ANO5: variants seen among roughly 807,000 people sequenced by gnomAD.
The protein encoded by ANO5 is anoctamin-5.
In ANO5, 109 loss-of-function variants were observed where a neutral mutation model predicts 121.0. The observed-to-expected ratio is 0.90, with a 90% CI of 0.77 to 1.06. The LOEUF is 1.06. Ranked by LOEUF, ANO5 falls within the 50% of genes least tolerant of loss-of-function variation. The pLI is 0.00. For synonymous variants in ANO5, 406 were observed against 359.9 expected (o/e 1.13, Z -1.45); for missense variants, 1,064 against 1,078.5 (o/e 0.99, Z 0.19).
chr11:22,244,468 T>C (rs940561426), intron 9 of ANO5, among the ~76,000 whole-genome samples: 2 of 152,144 alleles, frequency 1.3e-5, no homozygotes, highest in Non-Finnish European at 2.9e-5. Flanking sequence ...TTTTATAGAC[T>C]ATATCCTCAA....
At position 22,237,429 on chromosome 11, in the gene ANO5, C is replaced by T. The variant is rs1236041591; in HGVS notation, c.762+1153C>T. Among the ~76,000 whole-genome samples, 16 of 152,002 alleles carry T rather than the reference C, an allele frequency of 1.1e-4. 1 individual carries two copies. The highest frequency in any genetic ancestry group is 3.4e-4 in the African/African-American group (14 of 41,388). ...TTTTTGAGACGGCGTCTTGCTGTGT[C>T]CCCCAGGCTGGAGTGCAGTGGTGCA... On this transcript the variant is annotated intron_variant, in intron 8 of 21. Transcript: ENST00000324559.
chr11:22,215,766 T>G (rs1852421827), intron 3 of ANO5, among the ~76,000 whole-genome samples: 1 of 151,974 alleles, frequency 6.6e-6, no homozygotes, highest in African/African-American at 2.4e-5. Flanking sequence ...TTTAACAAAC[T>G]ATAATTTATG....
rs762501650 is a variant in ANO5, at chr11:22,235,482, G to A, written c.649-681G>A. Among the ~76,000 whole-genome samples, 58 of 151,968 alleles carry A rather than the reference G, an allele frequency of 3.8e-4. 1 individual carries two copies. The highest frequency in any genetic ancestry group is 2.1e-4 in the South Asian group (1 of 4,818). On this transcript the variant is annotated intron_variant, in intron 7 of 21. Transcript: ENST00000324559. ...TCAAAAAGTCCTTGAATGGTGAAATGTAAAAGAAAGGAAAGGTAGGGGACT... is the reference window on the plus strand; with the variant it reads ...TCAAAAAGTCCTTGAATGGTGAAATATAAAAGAAAGGAAAGGTAGGGGACT...
chr11:22,244,193 G>A (rs912515622), intron 9 of ANO5, among the ~76,000 whole-genome samples: 1 of 152,020 alleles, frequency 6.6e-6, no homozygotes, highest in Non-Finnish European at 1.5e-5. Context: ...GAAATTCTTG[G>A]TTAGAATTTC....
intron 18 of ANO5, among the ~76,000 whole-genome samples, chr11:22,271,726 T>G (rs1293567570): frequency 2.0e-5 from 3 of 152,240 alleles, no homozygotes; most frequent in Non-Finnish European, 2.9e-5. Flanking sequence ...AGAGTATTCA[T>G]TATTCTACAC....
chr11:22,267,508 T>TTA (rs567878499), intron 17 of ANO5, among the ~76,000 whole-genome samples: 54 of 126,068 alleles, frequency 4.3e-4, no homozygotes, highest in African/African-American at 1.3e-3. Context: ...ATATCTACAA[T>TTA]TATATATATA....
At chr11:22,229,995 T>C (rs1328222905) in intron 7 of ANO5, among the ~76,000 whole-genome samples, 3 of 152,002 alleles carry the variant, frequency 2.0e-5, no homozygotes. Flanking sequence ...ACAACAATCA[T>C]GGCATCTGAG....
Position 22,255,510 on chromosome 11 carries a change from T to A in ANO5, c.1320T>A (p.Asn440Lys), listed in dbSNP as rs1163578947. The change falls in exon 13 of 22, where the codon AAT (asparagine) becomes AAA (lysine). Residue 440 changes from asparagine to lysine, a missense_variant. Coordinates refer to ENST00000324559, the MANE Select transcript of ANO5 (RefSeq NM_213599.3). ...FEAMCKHRKL[N>K]AVTKEMEPYM... ...CTATGTGTAAACACAGGAAATTGAA[T>A]GCAGTGACTAAGGTAGACTAGAAAA... 1 of 1,613,172 alleles carries A rather than the reference T, an allele frequency of 6.2e-7. No individual in the cohort carries two copies. The highest frequency in any genetic ancestry group is 8.5e-7 in the Non-Finnish European group (1 of 1,179,334).
intron 14 of ANO5, among the ~76,000 whole-genome samples, 179 bp downstream of exon 14, chr11:22,257,933 T>C (rs1554930783): frequency 6.6e-6 from 1 of 152,166 alleles, no homozygotes; most frequent in Non-Finnish European, 1.5e-5. Flanking sequence ...TTTCCATACT[T>C]AAACTTTGGG....
rs1183473424 is a variant in ANO5 at position 22,281,558 on chromosome 11, A to G, written c.*1793A>G. 7 of 152,090 alleles carry G rather than the reference A, an allele frequency of 4.6e-5. No individual in the cohort carries two copies. The allele number at this position is 152,090 out of a possible 1,614,324, so 9.4% of individuals were successfully genotyped here. The stretch of plus-strand genomic sequence containing the variant: ...CAGGCTTACCATGATGTGTGCAACC[A>G]ATGTAGGATCTTTGGCTTGTCAAAT... On this transcript the variant is annotated 3_prime_UTR_variant, in exon 22 of 22. Transcript: ENST00000324559.
At chr11:22,271,943 G>A (rs537354645) in intron 18 of ANO5, among the ~76,000 whole-genome samples, 79 of 151,956 alleles carry the variant, frequency 5.2e-4, no homozygotes, top group Non-Finnish European at 8.7e-4. Context: ...TTGATAAGAC[G>A]GATTCAGTCA....
In ANO5 at chr11:22,276,112, T is replaced by A. The variant is rs1004072211; in HGVS notation, c.2433T>A (p.Tyr811Ter). The change falls in exon 21 of 22, where the codon TAT (tyrosine) becomes TAA (stop). Residue 811 changes from tyrosine to a stop codon, truncating the protein, a stop_gained. Coordinates refer to ENST00000324559, the MANE Select transcript of ANO5 (RefSeq NM_213599.3). LOFTEE classifies it high-confidence loss of function. Reference sequence around the variant, plus strand: ...TTTTCAGGTACAGAGATTACAGATATCCTCCTGATGACGAGAATAAATATT... The same window carrying A: ...TTTTCAGGTACAGAGATTACAGATAACCTCCTGATGACGAGAATAAATATT... ...FITCRYRDYR[Y>*]PPDDENKYFH... 14 of 1,608,820 alleles carry A rather than the reference T, an allele frequency of 8.7e-6. No individual in the cohort carries two copies. Among genetic ancestry groups the A allele is most frequent in the Admixed American group, 1.7e-5 (1 of 59,798 alleles).
rs753343044 is a variant in ANO5 at position 22,250,239 on chromosome 11, AT to A, written c.883del (p.Tyr295IlefsTer25). The stretch of plus-strand genomic sequence containing the variant: ...TCTGTTTTTACTCTTTTTCACAGGA[AT>A]TATTATGGAGAAAAAATTGGTATCT... ...YKEQPLDLIKNYYGEKIGIYF... is the reference protein window; with the variant it reads ...YKEQPLDLIKXYYGEKIGIYF... On this transcript the variant is annotated frameshift_variant, in exon 10 of 22. Transcript: ENST00000324559. LOFTEE classifies it high-confidence loss of function. The A allele has an allele frequency of 6.3e-7, 1 of 1,578,854 alleles. No individual in the cohort carries two copies.
intron 21 of ANO5, among the ~76,000 whole-genome samples, chr11:22,276,462 AGG>A (rs1278946563): frequency 2.0e-5 from 3 of 151,816 alleles, no homozygotes; most frequent in Non-Finnish European, 4.4e-5. Flanking sequence ...AGTCAGGAAA[AGG>A]GGAAATAACC....
Position 22,201,642 on chromosome 11 carries a change from G to A in ANO5, c.41-2162G>A, listed in dbSNP as rs191878219. Among the ~76,000 whole-genome samples, 254 of 152,278 alleles carry A rather than the reference G, an allele frequency of 1.7e-3. 1 individual carries two copies. The highest frequency in any genetic ancestry group is 5.5e-3 in the African/African-American group (230 of 41,566). ...TGGGAAGTCCAAGGTTGGGGACCAC[G>A]TCTGGTGAGCCCCTTCTTGCTGTGT... is the stretch of plus-strand genomic sequence containing the variant. On this transcript the variant is annotated intron_variant, in intron 1 of 21. Transcript: ENST00000324559.
chr11:22,249,202 T>A (rs960144039), intron 9 of ANO5, among the ~76,000 whole-genome samples: 8 of 152,018 alleles, frequency 5.3e-5, no homozygotes, highest in Middle Eastern at 3.2e-3. Flanking sequence ...ATTAAGAGTG[T>A]TGAAATATGA....
chr11:22,226,744 T>G (rs1852847202), intron 6 of ANO5, among the ~76,000 whole-genome samples: 1 of 152,068 alleles, frequency 6.6e-6, no homozygotes, highest in Non-Finnish European at 1.5e-5. Flanking sequence ...AGCATTACTC[T>G]CTAGTTCTCC....
intron 7 of ANO5, among the ~76,000 whole-genome samples, chr11:22,228,271 C>T (rs995955784): frequency 2.0e-5 from 3 of 151,382 alleles, no homozygotes; most frequent in Admixed American, 6.6e-5. Context: ...GTTCAACAAG[C>T]GTTAAGATGT....
chr11:22,248,755 TTAAAAC>T (rs1323405517), intron 9 of ANO5, among the ~76,000 whole-genome samples: 17 of 151,966 alleles, frequency 1.1e-4, no homozygotes, highest in Non-Finnish European at 2.2e-4. Context: ...AAGTAGTACT[TTAAAAC>T]TAAGATTGTT....
Sources: gnomAD v4.1 joint callset for allele counts (sites outside exome capture counted in the v4.1 genomes callset) on GRCh38, gnomAD v4.1.1 for gene constraint, MANE v1.5 for transcripts, NCBI Gene and HGNC (gene_info 2026-07-23, HGNC 2026-07-21) for gene names.